SVIL: variants seen among roughly 807,000 people sequenced by gnomAD.
SVIL encodes archvillin.
Under a neutral mutation model 240.4 loss-of-function variants are expected in SVIL, and 101 were observed. That is an observed-to-expected ratio of 0.42 (90% CI 0.36 to 0.50). The LOEUF is 0.50. Ranked by LOEUF, SVIL falls within the 20% of genes least tolerant of loss-of-function variation. The pLI, the probability that SVIL is intolerant of heterozygous loss-of-function variation, is 0.01. For synonymous variants in SVIL, 999 were observed against 1,100.0 expected (o/e 0.91, Z 1.82); for missense variants, 2,512 against 2,818.7 (o/e 0.89, Z 2.46).
chr10:29,620,161 C>T (rs575527893), intron 1 of SVIL, among the ~76,000 whole-genome samples: 2 of 152,136 alleles, frequency 1.3e-5, no homozygotes, highest in East Asian at 3.9e-4. Flanking sequence ...ATTATCATTG[C>T]ACACATTAAA....
intron 1 of SVIL, among the ~76,000 whole-genome samples, chr10:29,577,793 T>A (rs1444680303): frequency 1.3e-5 from 2 of 152,142 alleles, no homozygotes; most frequent in Non-Finnish European, 2.9e-5. Context: ...AACTATATAA[T>A]AAAGAAATTA....
chr10:29,652,587 C>G (rs749948645), intron 3 of SVIL, among the ~76,000 whole-genome samples: 46 of 152,140 alleles, frequency 3.0e-4, no homozygotes, highest in Admixed American at 7.9e-4. Context: ...TGGGGATATG[C>G]CTAGGAGTGG....
chr10:29,700,710 T>C (rs937176743), intron 1 of SVIL, among the ~76,000 whole-genome samples: 1 of 152,020 alleles, frequency 6.6e-6, no homozygotes, highest in Non-Finnish European at 1.5e-5. Context: ...CCTGACCTCA[T>C]GATCCGCCTG....
chr10:29,722,240 GAAAGAAAGA>G (rs1460808979), intron 1 of SVIL, among the ~76,000 whole-genome samples: 5 of 143,038 alleles, frequency 3.5e-5, no homozygotes, highest in Admixed American at 2.1e-4. Flanking sequence ...AAAAAAAAAA[GAAAGAAAGA>G]AAAGAAAGAA....
intron 1 of SVIL, among the ~76,000 whole-genome samples, chr10:29,626,131 T>C (rs1232600697): frequency 6.6e-6 from 1 of 152,232 alleles, no homozygotes; most frequent in Non-Finnish European, 1.5e-5. Context: ...ATGGTGACTA[T>C]AGTTGCTAAC....
chr10:29,493,200 C>T lies in SVIL; in HGVS notation c.4019+14G>A. 2 of 1,611,094 alleles carry T rather than the reference C, an allele frequency of 1.2e-6. No individual in the cohort carries two copies. Among genetic ancestry groups the T allele is most frequent in the Non-Finnish European group, 1.7e-6 (2 of 1,177,998 alleles). ...CTTCTCAGTGGAGGAAAGACGGAGA[C>T]CCAAATAACTCACTTGGGTGCATAA... On this transcript the variant is annotated intron_variant, in intron 21 of 37. Coordinates refer to ENST00000355867, the MANE Select transcript of SVIL (RefSeq NM_021738.3).
intron 1 of SVIL, among the ~76,000 whole-genome samples, chr10:29,611,960 A>G (rs1422113377): frequency 6.6e-6 from 1 of 152,278 alleles, no homozygotes; most frequent in East Asian, 1.9e-4. Flanking sequence ...CAAATGGCCC[A>G]GTGGGAGGGT....
intron 1 of SVIL, among the ~76,000 whole-genome samples, chr10:29,703,339 C>T (rs1962658982): frequency 6.6e-6 from 1 of 152,054 alleles, no homozygotes; most frequent in South Asian, 2.1e-4. Flanking sequence ...TTCCCCAGAC[C>T]AGCCCCCCAC....
At chr10:29,711,101 A>G (rs1000535291) in intron 1 of SVIL, among the ~76,000 whole-genome samples, 9 of 149,738 alleles carry the variant, frequency 6.0e-5, no homozygotes, top group Non-Finnish European at 1.2e-4. Flanking sequence ...AAAACAAACC[A>G]ATAAAAAAAT....
At chr10:29,509,053 G>A (rs1452059872) in intron 17 of SVIL, among the ~76,000 whole-genome samples, 3 of 152,176 alleles carry the variant, frequency 2.0e-5, no homozygotes, top group Admixed American at 1.3e-4. Context: ...ACTTTGCTTC[G>A]TTTGATTTCT....
intron 1 of SVIL, among the ~76,000 whole-genome samples, chr10:29,612,699 G>GA (rs1957290043): frequency 6.6e-6 from 1 of 152,060 alleles, no homozygotes; most frequent in African/African-American, 2.4e-5. Context: ...GTTAAGAAAA[G>GA]AAAAAACATA....
intron 13 of SVIL, 106 bp from the exon 14 acceptor site, chr10:29,524,821 T>G: frequency 1.9e-6 from 3 of 1,543,276 alleles, no homozygotes; most frequent in Non-Finnish European, 2.6e-6. Context: ...TGCAAAGGGC[T>G]TCTTTTTCCC....
At chr10:29,707,440 T>C (rs1589552591) in intron 1 of SVIL, among the ~76,000 whole-genome samples, 1 of 152,202 alleles carries the variant, frequency 6.6e-6, no homozygotes, top group East Asian at 1.9e-4. Context: ...GCTCTCTGCT[T>C]GTCTATTGTT....
intron 3 of SVIL, among the ~76,000 whole-genome samples, chr10:29,649,463 A>T (rs1364032400): frequency 6.6e-6 from 1 of 152,222 alleles, no homozygotes; most frequent in Non-Finnish European, 1.5e-5. Flanking sequence ...GAAAATTGCT[A>T]CAAGAAGACT....
intron 23 of SVIL, 47 bp downstream of exon 23, chr10:29,488,554 C>T (rs759844698): frequency 2.0e-6 from 3 of 1,506,672 alleles, no homozygotes; most frequent in Non-Finnish European, 1.8e-6. Context: ...TGGGACCAGA[C>T]AGAAACCACG....
At chr10:29,510,068 A>G (rs2132480292) in intron 17 of SVIL, among the ~76,000 whole-genome samples, 1 of 152,194 alleles carries the variant, frequency 6.6e-6, no homozygotes, top group South Asian at 2.1e-4. Flanking sequence ...ACACCCAGTT[A>G]ATTTTTGTAA....
In SVIL at chr10:29,694,855, A is replaced by G. The variant is rs1337288596; in HGVS notation, c.-399-8204T>C. ...CAAGGTGAGAGATTCATACGCTATA[A>G]GCCGTTGGACCTAAACAGCCCGAGG... On this transcript the variant is annotated intron_variant, in intron 1 of 35. Coordinates refer to the SVIL transcript ENST00000375400. Among the ~76,000 whole-genome samples, 6 of 152,204 alleles carry G rather than the reference A, an allele frequency of 3.9e-5. No homozygotes were observed. The East Asian group carries it at 1.2e-3, about 29-fold the overall frequency.
intron 18 of SVIL, among the ~76,000 whole-genome samples, chr10:29,495,528 T>C (rs918755309): frequency 6.6e-6 from 1 of 152,164 alleles, no homozygotes; most frequent in Non-Finnish European, 1.5e-5. Context: ...GAGAGTGCAT[T>C]GGTGCCATCT....
chr10:29,696,154 G>C (rs1031505708), intron 1 of SVIL, among the ~76,000 whole-genome samples: 20 of 151,860 alleles, frequency 1.3e-4, no homozygotes, highest in Non-Finnish European at 2.6e-4. Flanking sequence ...GGGTTTCGCT[G>C]TGTTGGCCAG....
Sources: allele counts gnomAD v4.1 joint callset (sites outside exome capture counted in the v4.1 genomes callset), GRCh38; gene constraint gnomAD v4.1.1; transcripts MANE v1.5; gene names NCBI Gene and HGNC (gene_info 2026-07-23, HGNC 2026-07-21).